Variants in GLIS3 observed in about 807,000 individuals in gnomAD.
GLIS3 encodes zinc finger protein GLIS3.
A neutral mutation model predicts 78.6 loss-of-function variants in GLIS3; 53 were observed. That is an observed-to-expected ratio of 0.67 (90% CI 0.54 to 0.85). The LOEUF (loss-of-function observed/expected upper bound fraction) is 0.85. Ranked by LOEUF, GLIS3 falls within the 40% of genes least tolerant of loss-of-function variation. The pLI is 0.00. For missense variants in GLIS3, 1,703 were observed against 1,231.1 expected, an observed-to-expected ratio of 1.38 and a Z score of -5.74; for synonymous variants, 684 against 509.9, an observed-to-expected ratio of 1.34 and a Z score of -4.60.
intron 9 of GLIS3, among the ~76,000 whole-genome samples, chr9:3,833,920 A>G (rs982082747): frequency 6.6e-6 from 1 of 152,170 alleles, no homozygotes; most frequent in Non-Finnish European, 1.5e-5. Context: ...TCCCCCTCCT[A>G]AAAACAAACT....
intron 2 of GLIS3, among the ~76,000 whole-genome samples, chr9:4,254,802 T>G (rs1824753139): frequency 6.9e-6 from 1 of 144,586 alleles, no homozygotes; most frequent in South Asian, 2.1e-4. Flanking sequence ...ACCGTGCCAC[T>G]GCACTCCAGC....
intron 1 of GLIS3, among the ~76,000 whole-genome samples, chr9:4,347,862 C>T (rs1202423779): frequency 6.6e-6 from 1 of 152,076 alleles, no homozygotes; most frequent in Non-Finnish European, 1.5e-5. Flanking sequence ...AGCCTTTTGA[C>T]TGTGGCTCAT....
chr9:4,202,821 A>C (rs754286659), intron 2 of GLIS3, among the ~76,000 whole-genome samples: 1 of 152,274 alleles, frequency 6.6e-6, no homozygotes, highest in Non-Finnish European at 1.5e-5. Context: ...AATTAAGTCA[A>C]GATGGATTAA....
intron 2 of GLIS3, among the ~76,000 whole-genome samples, chr9:4,329,453 C>T (rs1045376158): frequency 6.6e-6 from 1 of 152,106 alleles, no homozygotes; most frequent in Non-Finnish European, 1.5e-5. Context: ...ATTTCAAATG[C>T]CTTTCATTTG....
chr9:4,461,452 C>T, the GLIS3 span, among the ~76,000 whole-genome samples: 1 of 152,058 alleles, frequency 6.6e-6, no homozygotes, highest in African/African-American at 2.4e-5. Context: ...TTTTATCTTC[C>T]TTGTTTATGG....
At chr9:4,488,086 C>A in the GLIS3 span, among the ~76,000 whole-genome samples, 1 of 142,852 alleles carries the variant, frequency 7.0e-6, no homozygotes, top group Non-Finnish European at 1.5e-5. Flanking sequence ...TTTCTAAGCA[C>A]ATGGTTTTAT....
At chr9:3,991,425 A>G (rs567616299) in intron 4 of GLIS3, among the ~76,000 whole-genome samples, 3 of 152,324 alleles carry the variant, frequency 2.0e-5, no homozygotes, top group Admixed American at 1.3e-4. Flanking sequence ...AACAAAATGA[A>G]TCAATTAAAA....
At chr9:4,180,490 T>G (rs1380749333) in intron 2 of GLIS3, among the ~76,000 whole-genome samples, 1 of 152,174 alleles carries the variant, frequency 6.6e-6, no homozygotes, top group East Asian at 1.9e-4. Context: ...TGGGATTAAA[T>G]GAAACACCCT....
the GLIS3 span, among the ~76,000 whole-genome samples, chr9:4,374,001 T>C: frequency 6.6e-6 from 1 of 152,158 alleles, no homozygotes; most frequent in African/African-American, 2.4e-5. Context: ...TATTGAACAA[T>C]TTACTTCATA....
chr9:4,159,654 G>C (rs1259862751), intron 2 of GLIS3, among the ~76,000 whole-genome samples: 1 of 152,058 alleles, frequency 6.6e-6, no homozygotes, highest in Non-Finnish European at 1.5e-5. Flanking sequence ...GGGAGGCAGA[G>C]GTTGCAGTGA....
At chr9:4,276,572 A>T (rs1383285377) in intron 2 of GLIS3, among the ~76,000 whole-genome samples, 1 of 138,524 alleles carries the variant, frequency 7.2e-6, no homozygotes, top group East Asian at 2.2e-4. Flanking sequence ...GGGAGGGAAG[A>T]GAAGAAAGAA....
chr9:4,174,346 C>T (rs570447558), intron 2 of GLIS3, among the ~76,000 whole-genome samples: 9 of 152,200 alleles, frequency 5.9e-5, no homozygotes, highest in East Asian at 1.9e-4. Context: ...GGAAAATATA[C>T]AAACAGATAC....
chr9:4,047,012 C>T (rs1272627753), intron 4 of GLIS3, among the ~76,000 whole-genome samples: 2 of 152,110 alleles, frequency 1.3e-5, no homozygotes, highest in Non-Finnish European at 2.9e-5. Context: ...AAATGGGTTG[C>T]TGAGTTGGTG....
intron 4 of GLIS3, among the ~76,000 whole-genome samples, chr9:4,112,483 T>G (rs1371382904): frequency 6.6e-6 from 1 of 152,186 alleles, no homozygotes; most frequent in African/African-American, 2.4e-5. Context: ...AATACTGTTC[T>G]CAACCTTGAC....
At chr9:4,298,487 A>G in intron 1 of GLIS3, 1 of 444,048 alleles carries the variant, frequency 2.3e-6, no homozygotes, top group South Asian at 1.6e-5. Flanking sequence ...CCAGTGAGTA[A>G]CTTGGAACTG....
chr9:4,481,544 AC>A, the GLIS3 span, among the ~76,000 whole-genome samples: 1 of 129,480 alleles, frequency 7.7e-6, no homozygotes, highest in African/African-American at 2.9e-5. Flanking sequence ...GTGTGTGTGT[AC>A]CGTTTTCCAG....
the GLIS3 span, among the ~76,000 whole-genome samples, chr9:4,477,176 C>G: frequency 6.6e-5 from 10 of 152,004 alleles, no homozygotes; most frequent in Admixed American, 2.0e-4. Flanking sequence ...TGTCCATCCA[C>G]CAATGGATGG....
At chr9:4,187,071 A>C (rs191679837) in intron 2 of GLIS3, among the ~76,000 whole-genome samples, 20 of 152,278 alleles carry the variant, frequency 1.3e-4, no homozygotes, top group Admixed American at 3.9e-4. Context: ...GTCCTTGCCC[A>C]TGCCTATGTC....
intron 2 of GLIS3, among the ~76,000 whole-genome samples, chr9:4,174,674 T>G (rs530892925): frequency 1.3e-5 from 2 of 152,252 alleles, no homozygotes; most frequent in African/African-American, 4.8e-5. Context: ...ACCTCCTTTT[T>G]AATTAATTGT....
Sources: allele counts gnomAD v4.1 joint callset (sites outside exome capture counted in the v4.1 genomes callset), GRCh38; gene constraint gnomAD v4.1.1; transcripts MANE v1.5; gene names NCBI Gene and HGNC (gene_info 2026-07-23, HGNC 2026-07-21).